Variants in CRTAM observed in about 807,000 individuals in gnomAD.
The protein encoded by CRTAM is cytotoxic and regulatory T-cell molecule.
A neutral mutation model predicts 50.0 loss-of-function variants in CRTAM; 44 were observed. That is an observed-to-expected ratio of 0.88 (90% CI 0.69 to 1.13). The LOEUF is 1.13. Ranked by LOEUF, CRTAM falls within the 50% of genes most tolerant of loss-of-function variation. CRTAM has a pLI of 0.00. For missense variants in CRTAM, 448 were observed against 457.5 expected, an observed-to-expected ratio of 0.98 and a Z score of 0.19; for synonymous variants, 159 against 169.3, an observed-to-expected ratio of 0.94 and a Z score of 0.47.
intron 4 of CRTAM, among the ~76,000 whole-genome samples, chr11:122,855,071 GT>G (rs1346893488): frequency 6.6e-6 from 1 of 152,134 alleles, no homozygotes; most frequent in Non-Finnish European, 1.5e-5. Context: ...AGCTTCTGGA[GT>G]AGCTGGGATT....
At position 122,872,477 on chromosome 11, in the gene CRTAM, T is replaced by C. The variant is rs1008817060; in HGVS notation, c.*1078T>C. 3 of 152,686 alleles carry C rather than the reference T, an allele frequency of 2.0e-5. No homozygotes were observed. Among genetic ancestry groups the C allele is most frequent in the Non-Finnish European group, 4.4e-5 (3 of 68,050 alleles). 9.5% of individuals were successfully genotyped at this position (152,686 alleles called of 1,614,324 possible). The stretch of plus-strand genomic sequence containing the variant: ...TAAAAAGCAGAATAGATGTTTGTTT[T>C]TCTAGTGGTTATACCAAGTTATACT... On this transcript the variant is annotated 3_prime_UTR_variant, in exon 10 of 10. Transcript: ENST00000227348.
intron 9 of CRTAM, among the ~76,000 whole-genome samples, chr11:122,870,694 T>C (rs1323318387): frequency 6.6e-6 from 1 of 152,244 alleles, no homozygotes; most frequent in Admixed American, 6.5e-5. Flanking sequence ...CAATATGTTA[T>C]GGTCAGCAAC....
At chr11:122,839,138 T>G (rs1315351266) in intron 1 of CRTAM, among the ~76,000 whole-genome samples, 1 of 152,062 alleles carries the variant, frequency 6.6e-6, no homozygotes. Context: ...TTCACCGTGT[T>G]AGCCAGGATG....
chr11:122,856,704 T>C (rs1204758419), intron 5 of CRTAM, among the ~76,000 whole-genome samples: 1 of 152,240 alleles, frequency 6.6e-6, no homozygotes, highest in African/African-American at 2.4e-5. Flanking sequence ...CAAGCTTGCT[T>C]AGGAGAACCT....
chr11:122,870,480 G>A (rs541218935), intron 9 of CRTAM, among the ~76,000 whole-genome samples: 28 of 152,250 alleles, frequency 1.8e-4, no homozygotes, highest in Middle Eastern at 3.4e-3. Context: ...ACTTTCTCCC[G>A]AGCTCAAGCC....
At chr11:122,839,168 G>A (rs1861770119) in intron 1 of CRTAM, among the ~76,000 whole-genome samples, 2 of 151,934 alleles carry the variant, frequency 1.3e-5, no homozygotes, top group South Asian at 4.2e-4. Context: ...TCCTGACCTC[G>A]TGATCTGCCC....
intron 3 of CRTAM, 24 bp from the exon 4 acceptor site, chr11:122,853,919 A>G: frequency 6.2e-7 from 1 of 1,611,690 alleles, no homozygotes; most frequent in Non-Finnish European, 8.5e-7. Context: ...TCTAATTAAC[A>G]CAGAAAAATC....
chr11:122,863,420 C>T (rs534545184), intron 6 of CRTAM, among the ~76,000 whole-genome samples: 30 of 152,044 alleles, frequency 2.0e-4, no homozygotes, highest in South Asian at 6.3e-4. Context: ...GACTATTAGC[C>T]TCATCCAGAA....
intron 1 of CRTAM, among the ~76,000 whole-genome samples, chr11:122,847,087 C>G (rs1329528526): frequency 2.0e-5 from 3 of 152,306 alleles, no homozygotes; most frequent in South Asian, 2.1e-4. Context: ...AAGTACTACA[C>G]TAGGTTCTTT....
intron 5 of CRTAM, among the ~76,000 whole-genome samples, chr11:122,860,506 G>C (rs1374827697): frequency 6.6e-6 from 1 of 152,080 alleles, no homozygotes; most frequent in Non-Finnish European, 1.5e-5. Flanking sequence ...ACAACATTCA[G>C]TCTAAATGCA....
chr11:122,867,690 A>G (rs1862197556), intron 8 of CRTAM, 135 bp downstream of exon 8: 1 of 910,858 alleles, frequency 1.1e-6, no homozygotes, highest in East Asian at 2.6e-5. Flanking sequence ...CAGATAAGCA[A>G]TTGTTTGTTT....
intron 5 of CRTAM, among the ~76,000 whole-genome samples, chr11:122,860,881 G>A (rs953490826): frequency 1.3e-5 from 2 of 152,196 alleles, no homozygotes; most frequent in South Asian, 2.1e-4. Flanking sequence ...TTTTTTTGTA[G>A]AGATGGGGTC....
At chr11:122,841,866 G>C (rs1173235389) in intron 1 of CRTAM, among the ~76,000 whole-genome samples, 4 of 152,186 alleles carry the variant, frequency 2.6e-5, no homozygotes, top group African/African-American at 9.6e-5. Context: ...TGTAATAGAA[G>C]TATATCTCAA....
intron 5 of CRTAM, among the ~76,000 whole-genome samples, chr11:122,857,370 G>C (rs1862020509): frequency 6.6e-6 from 1 of 152,256 alleles, no homozygotes; most frequent in Non-Finnish European, 1.5e-5. Context: ...TTGGGAGGCT[G>C]AGGCACAAGA....
chr11:122,851,575 A>G (rs1861929952), intron 2 of CRTAM, 118 bp from the exon 3 acceptor site: 3 of 868,590 alleles, frequency 3.5e-6, no homozygotes, highest in Admixed American at 4.1e-5. Context: ...ATGTCTGGAG[A>G]TAGTTTTGAT....
intron 1 of CRTAM, among the ~76,000 whole-genome samples, chr11:122,849,414 T>C (rs1353630483): frequency 1.3e-5 from 2 of 152,204 alleles, no homozygotes; most frequent in East Asian, 3.8e-4. Context: ...TCTTCCTTTC[T>C]AGGGTTAGTT....
intron 5 of CRTAM, among the ~76,000 whole-genome samples, chr11:122,861,361 TAC>T (rs71057303): frequency 1.7e-4 from 16 of 94,180 alleles, no homozygotes; most frequent in South Asian, 8.1e-4. Flanking sequence ...TATATATATA[TAC>T]ACACACACAC....
Position 122,863,290 on chromosome 11 carries a change from G to T in CRTAM, c.733+746G>T, listed in dbSNP as rs12796144. 3.9e-4 allele frequency among the ~76,000 whole-genome samples: 23 copies of T among 59,066 alleles called. No individual in the cohort carries two copies. The East Asian group carries it at 6.7e-3, about 17-fold the overall frequency. The allele number at this position is 59,066 out of a possible 152,430, so 38.7% of individuals were successfully genotyped here. On this transcript the variant is annotated intron_variant, in intron 6 of 9. Transcript: ENST00000227348. ...AGAAAGAAAAAGAAAGAAAGAAAAA[G>T]AAAGAAAGAGAGAAAGAAAAGAAAG...
intron 9 of CRTAM, among the ~76,000 whole-genome samples, chr11:122,868,354 G>T (rs549951471): frequency 6.6e-6 from 1 of 152,142 alleles, no homozygotes; most frequent in East Asian, 1.9e-4. Context: ...CTCAGTCCAA[G>T]TTCAAAGGCC....
Sources: allele counts gnomAD v4.1 joint callset (sites outside exome capture counted in the v4.1 genomes callset), GRCh38; gene constraint gnomAD v4.1.1; transcripts MANE v1.5; gene names NCBI Gene and HGNC (gene_info 2026-07-23, HGNC 2026-07-21).